Variants in AP2A1 observed in about 807,000 individuals in gnomAD.
The protein encoded by AP2A1 is adaptor related protein complex 2 subunit alpha 1.
AP2A1 carries 21 observed loss-of-function variants against 107.3 expected under a neutral mutation model. The ratio of observed to expected loss-of-function variants is 0.20; its 90% CI spans 0.14 to 0.28. The LOEUF is 0.28. Among genes scored for constraint, AP2A1 ranks in the 10% least tolerant of loss-of-function variants. AP2A1 has a pLI of 1.00. For synonymous variants in AP2A1, 602 were observed against 564.8 expected, an observed-to-expected ratio of 1.07 and a Z score of -0.93; for missense variants, 873 against 1,307.7, an observed-to-expected ratio of 0.67 and a Z score of 5.13.
At position 49,794,972 on chromosome 19, in the gene AP2A1, C is replaced by T. The variant is rs531427723; in HGVS notation, c.706-658C>T. Among the ~76,000 whole-genome samples the T allele has an allele frequency of 2.1e-3, 323 of 152,312 alleles. 1 individual carries two copies. Among genetic ancestry groups the T allele is most frequent in the Non-Finnish European group, 2.4e-3 (164 of 68,032 alleles). The stretch of plus-strand genomic sequence containing the variant: ...GCCACTGCACCTGGCCATGATCTTT[C>T]AATCTTTCACTAATTCCCTGCCTCT... On this transcript the variant is annotated intron_variant, in intron 6 of 22. Transcript: ENST00000354293.
At chr19:49,805,636 T>G (rs8101959) in intron 19 of AP2A1, 25 bp from the exon 20 acceptor site, 1 of 1,552,492 alleles carries the variant, frequency 6.4e-7, no homozygotes, top group Non-Finnish European at 8.7e-7. Context: ...CGGGGCCTAA[T>G]GGAGCCTCCC....
chr19:49,787,798 C>A (rs1460554799), intron 4 of AP2A1, among the ~76,000 whole-genome samples: 1 of 152,204 alleles, frequency 6.6e-6, no homozygotes, highest in Admixed American at 6.5e-5. Flanking sequence ...CCTCTTCCCC[C>A]CAGCCCCTGG....
At chr19:49,768,510 G>A (rs1175133234) in intron 1 of AP2A1, among the ~76,000 whole-genome samples, 2 of 152,140 alleles carry the variant, frequency 1.3e-5, no homozygotes, top group Admixed American at 1.3e-4. Flanking sequence ...GGCCCCAGAT[G>A]GAACTTGGCT....
chr19:49,804,840 C>T (rs1216293093), intron 18 of AP2A1: 2 of 152,236 alleles, frequency 1.3e-5, no homozygotes, highest in African/African-American at 4.8e-5. Flanking sequence ...CCTTGGCCTC[C>T]CAAAGTGCTG....
chr19:49,797,042 C>T (rs530480255), intron 7 of AP2A1: 1 of 152,386 alleles, frequency 6.6e-6, no homozygotes, highest in East Asian at 1.9e-4. Context: ...CTTTTTCGTC[C>T]TGTCAAGAAG....
At chr19:49,791,373 G>A (rs1209510024) in intron 4 of AP2A1, among the ~76,000 whole-genome samples, 1 of 152,094 alleles carries the variant, frequency 6.6e-6, no homozygotes, top group Non-Finnish European at 1.5e-5. Flanking sequence ...GGGATTACAA[G>A]CCTGCGCCAC....
Position 49,781,741 on chromosome 19 carries a change from C to T in AP2A1, c.68-16C>T. On this transcript the variant is annotated splice_polypyrimidine_tract_variant and intron_variant, in intron 1 of 22. Transcript: ENST00000354293. Reference sequence around the variant, plus strand: ...CCCCAGACCCCTCACTGCCTACCCTCCTCCTCCTCTCCCAGGTAAGAGCAA... The same window carrying T: ...CCCCAGACCCCTCACTGCCTACCCTTCTCCTCCTCTCCCAGGTAAGAGCAA... 6.3e-7 allele frequency: 1 copy of T among 1,575,932 alleles called. No individual in the cohort carries two copies.
chr19:49,806,501 ATCT>A, intron 22 of AP2A1, 177 bp from the exon 23 acceptor site: 1 of 1,441,776 alleles, frequency 6.9e-7, no homozygotes, highest in Non-Finnish European at 9.1e-7. Context: ...CCTTTCTCTC[ATCT>A]TTTATAATTT....
chr19:49,783,719 A>T (rs1391028427), intron 4 of AP2A1, among the ~76,000 whole-genome samples: 1 of 152,224 alleles, frequency 6.6e-6, no homozygotes, highest in Non-Finnish European at 1.5e-5. Flanking sequence ...GGTGAACCCG[A>T]GTATCGGTTT....
At chr19:49,806,449 T>A in intron 22 of AP2A1, 196 bp downstream of exon 22, 1 of 1,436,858 alleles carries the variant, frequency 7.0e-7, no homozygotes, top group South Asian at 1.5e-5. Flanking sequence ...TCCTCTCCTC[T>A]TCCTGTCCCT....
At chr19:49,797,743 T>TA (rs1302920839) in intron 7 of AP2A1, among the ~76,000 whole-genome samples, 2 of 151,574 alleles carry the variant, frequency 1.3e-5, no homozygotes, top group Non-Finnish European at 2.9e-5. Context: ...AATAAAAAAA[T>TA]AAAAAAACAG....
At chr19:49,790,891 C>T (rs545070907) in intron 4 of AP2A1, among the ~76,000 whole-genome samples, 6 of 152,330 alleles carry the variant, frequency 3.9e-5, no homozygotes, top group Admixed American at 3.3e-4. Flanking sequence ...CCGAAGGGGT[C>T]CGGGGGCAGC....
chr19:49,787,952 C>G (rs2073094663), intron 4 of AP2A1, among the ~76,000 whole-genome samples: 1 of 152,028 alleles, frequency 6.6e-6, no homozygotes, highest in Non-Finnish European at 1.5e-5. Flanking sequence ...TGGTGCATAT[C>G]CGTGATTTGC....
At position 49,781,115 on chromosome 19, in the gene AP2A1, G is replaced by T. The variant is rs560754117; in HGVS notation, c.68-642G>T. Among the ~76,000 whole-genome samples the T allele has an allele frequency of 5.3e-5, 8 of 152,250 alleles. No homozygotes were observed. The South Asian group carries it at 8.3e-4, about 16-fold the overall frequency. ...AGAGACCTGGCCTGCAGGATCAGGG[G>T]AGGCTTTCTGTGCTTATTCCACAAG... On this transcript the variant is annotated intron_variant, in intron 1 of 22. Transcript: ENST00000354293.
intron 6 of AP2A1, among the ~76,000 whole-genome samples, chr19:49,793,816 G>A (rs939510874): frequency 1.1e-4 from 16 of 151,326 alleles, no homozygotes; most frequent in South Asian, 2.1e-4. Context: ...ATACACATGC[G>A]CATCTCCTGG....
rs781118779 is a variant in AP2A1 at position 49,799,651 on chromosome 19, G to A, written c.1157G>A (p.Arg386Gln). Residue 386 changes from arginine to glutamine, a missense_variant, in exon 10 of 23, where the codon CGG (arginine) becomes CAG (glutamine). By Grantham distance (43) the Arg-to-Gln change is conservative. This residue lies in a region of AP2A1 where 213 missense variants were observed against 443.5 expected (regional missense o/e 0.48). Transcript: ENST00000354293. Reference sequence around the variant, plus strand: ...CAGACGGAGCGGGACGTCAGCGTGCGGCAGCGGGCGGCTGACCTCCTCTAC... The same window carrying A: ...CAGACGGAGCGGGACGTCAGCGTGCAGCAGCGGGCGGCTGACCTCCTCTAC... ...ALKTERDVSV[R>Q]QRAADLLYAM... The A allele has an allele frequency of 1.1e-5, 18 of 1,611,206 alleles. No individual in the cohort carries two copies. The highest frequency in any genetic ancestry group is 1.7e-6 in the Non-Finnish European group (2 of 1,179,862).
intron 7 of AP2A1, chr19:49,795,956 A>G (rs1454378393): frequency 1.8e-6 from 1 of 555,648 alleles, no homozygotes; most frequent in African/African-American, 1.9e-5. Context: ...GATCAGCCTC[A>G]TAGCTGAGGT....
At chr19:49,802,242 ACTCG>A in intron 15 of AP2A1, 101 bp downstream of exon 15, 1 of 888,952 alleles carries the variant, frequency 1.1e-6, no homozygotes, top group Non-Finnish European at 1.7e-6. Context: ...CCCGCCCCCG[ACTCG>A]CTCCTCTCTC....
chr19:49,780,148 G>A (rs2084659065), intron 1 of AP2A1, among the ~76,000 whole-genome samples: 1 of 152,250 alleles, frequency 6.6e-6, no homozygotes, highest in South Asian at 2.1e-4. Context: ...TAGAGCACCT[G>A]CTGTATGCAG....
Sources: gnomAD v4.1 joint callset for allele counts (sites outside exome capture counted in the v4.1 genomes callset) on GRCh38, gnomAD v4.1.1 for gene constraint, gnomAD v4.1.1 regional missense constraint, MANE v1.5 for transcripts, NCBI Gene and HGNC (gene_info 2026-07-23, HGNC 2026-07-21) for gene names.